The following VTI1A variants were observed in gnomAD, a reference collection of about 807,000 sequenced individuals.
VTI1A encodes the protein vesicle transport through interaction with t-SNAREs homolog 1A.
A neutral mutation model predicts 34.9 loss-of-function variants in VTI1A; 22 were observed. That is an observed-to-expected ratio of 0.63 (90% CI 0.45 to 0.90). VTI1A has a LOEUF of 0.90. VTI1A is among the 40% of genes least tolerant of loss of function. The pLI is 0.00. For missense variants in VTI1A, 268 were observed against 275.6 expected (o/e 0.97, Z 0.20); for synonymous variants, 87 against 97.3 (o/e 0.89, Z 0.62).
intron 3 of VTI1A, among the ~76,000 whole-genome samples, chr10:112,504,589 A>G (rs1022846596): frequency 2.6e-5 from 4 of 152,156 alleles, no homozygotes; most frequent in Admixed American, 6.6e-5. Flanking sequence ...GCTATTGCAC[A>G]TGCTGCTGAA....
intron 7 of VTI1A, among the ~76,000 whole-genome samples, chr10:112,806,847 A>G (rs1395738699): frequency 6.6e-6 from 1 of 152,084 alleles, no homozygotes; most frequent in Non-Finnish European, 1.5e-5. Context: ...TCAGCCTCCC[A>G]AAGTTCTGGG....
At chr10:112,852,051 C>T in the VTI1A span, among the ~76,000 whole-genome samples, 1 of 151,718 alleles carries the variant, frequency 6.6e-6, no homozygotes, top group East Asian at 1.9e-4. Flanking sequence ...CCTTTTTTGC[C>T]TTAGCTACCA....
rs116414262 is a variant in VTI1A at position 112,710,502 on chromosome 10, C to T, written c.560+41504C>T. Among the ~76,000 whole-genome samples the T allele has an allele frequency of 6.6e-3, 999 of 152,262 alleles. 8 individuals are homozygous for T. The highest frequency in any genetic ancestry group is 0.022 in the African/African-American group (906 of 41,544). ...GATTACAGGTGTGAGCCACCACGCC[C>T]GGCTCAGTTAATGTCTCTGAATTGT... On this transcript the variant is annotated intron_variant, in intron 7 of 7. Coordinates refer to ENST00000393077, the MANE Select transcript of VTI1A (RefSeq NM_145206.4).
intron 5 of VTI1A, among the ~76,000 whole-genome samples, chr10:112,654,594 G>A (rs578059724): frequency 3.0e-4 from 45 of 152,142 alleles, no homozygotes; most frequent in African/African-American, 1.0e-3. Flanking sequence ...CTGGGTTCAC[G>A]CCATTCTCCT....
intron 5 of VTI1A, among the ~76,000 whole-genome samples, chr10:112,565,246 T>G (rs764895313): frequency 2.2e-4 from 33 of 152,102 alleles, no homozygotes; most frequent in Non-Finnish European, 4.7e-4. Flanking sequence ...TTATTTGTTG[T>G]TTTTCAGGGA....
intron 4 of VTI1A, among the ~76,000 whole-genome samples, chr10:112,530,988 G>C (rs138080725): frequency 4.0e-5 from 6 of 151,770 alleles, no homozygotes; most frequent in Admixed American, 6.6e-5. Flanking sequence ...TTCGTTATCT[G>C]TATGCGAACA....
intron 3 of VTI1A, among the ~76,000 whole-genome samples, chr10:112,479,542 A>G (rs977516168): frequency 1.3e-5 from 2 of 152,174 alleles, no homozygotes; most frequent in Non-Finnish European, 2.9e-5. Flanking sequence ...AAGAGACTCA[A>G]AGTCCTCACC....
At chr10:112,463,578 A>C (rs1460431988) in intron 2 of VTI1A, among the ~76,000 whole-genome samples, 1 of 152,058 alleles carries the variant, frequency 6.6e-6, no homozygotes, top group Non-Finnish European at 1.5e-5. Context: ...ATTGCTGCTG[A>C]TTAAACTCTT....
chr10:112,521,069 A>T (rs1156679367), intron 3 of VTI1A, among the ~76,000 whole-genome samples: 1 of 151,924 alleles, frequency 6.6e-6, no homozygotes, highest in Non-Finnish European at 1.5e-5. Flanking sequence ...CTTTCCCTTT[A>T]TTAATGCTAC....
chr10:112,487,866 A>T lies in VTI1A; in HGVS notation c.264+23209A>T, dbSNP rs1006754001. Among the ~76,000 whole-genome samples the T allele has an allele frequency of 2.6e-5, 4 of 152,286 alleles. No individual in the cohort carries two copies. The East Asian group carries it at 7.7e-4, about 29-fold the overall frequency. The stretch of plus-strand genomic sequence containing the variant: ...TCAGAATTTAACTTAAATTTATACA[A>T]ATATTTTGGTAGTAGTTAATAGGTA... On this transcript the variant is annotated intron_variant, in intron 3 of 7. Coordinates refer to ENST00000393077, the MANE Select transcript of VTI1A (RefSeq NM_145206.4).
chr10:112,642,659 G>A (rs1846617423), intron 5 of VTI1A, among the ~76,000 whole-genome samples: 1 of 152,044 alleles, frequency 6.6e-6, no homozygotes, highest in South Asian at 2.1e-4. Flanking sequence ...CCATTTGTGA[G>A]GCATTGTATG....
intron 3 of VTI1A, among the ~76,000 whole-genome samples, chr10:112,522,540 T>C (rs1850064607): frequency 6.6e-6 from 1 of 152,090 alleles, no homozygotes; most frequent in Admixed American, 6.6e-5. Flanking sequence ...TAGGCCAAAA[T>C]CGAATGGGAA....
intron 7 of VTI1A, among the ~76,000 whole-genome samples, chr10:112,728,531 G>T (rs1190114306): frequency 1.3e-5 from 2 of 152,204 alleles, no homozygotes; most frequent in Non-Finnish European, 2.9e-5. Flanking sequence ...AAAGTCTGAT[G>T]TGACCTTTGT....
At chr10:112,528,471 C>T (rs1219925555) in intron 4 of VTI1A, among the ~76,000 whole-genome samples, 1 of 151,532 alleles carries the variant, frequency 6.6e-6, no homozygotes, top group Non-Finnish European at 1.5e-5. Flanking sequence ...GGGATTTCAG[C>T]TTCCCTGATT....
the VTI1A span, among the ~76,000 whole-genome samples, chr10:112,839,775 G>T: frequency 6.6e-6 from 1 of 152,170 alleles, no homozygotes; most frequent in Non-Finnish European, 1.5e-5. Context: ...AGGCAAAGCA[G>T]GGCCACTTCC....
At chr10:112,644,919 A>G (rs568515147) in intron 5 of VTI1A, among the ~76,000 whole-genome samples, 2 of 152,340 alleles carry the variant, frequency 1.3e-5, no homozygotes, top group South Asian at 2.1e-4. Flanking sequence ...TAGTAACAAA[A>G]TAGTACAATT....
At chr10:112,510,444 G>A (rs1012571029) in intron 3 of VTI1A, among the ~76,000 whole-genome samples, 2 of 151,994 alleles carry the variant, frequency 1.3e-5, no homozygotes, top group African/African-American at 4.8e-5. Context: ...AACCAGCCTG[G>A]GCAACATAGC....
chr10:112,537,893 A>G (rs1186825103), intron 4 of VTI1A, among the ~76,000 whole-genome samples: 1 of 152,206 alleles, frequency 6.6e-6, no homozygotes, highest in African/African-American at 2.4e-5. Context: ...AAATACAAAT[A>G]GGGAACGTAG....
At chr10:112,683,688 T>C (rs931322339) in intron 7 of VTI1A, among the ~76,000 whole-genome samples, 2 of 152,304 alleles carry the variant, frequency 1.3e-5, no homozygotes, top group South Asian at 2.1e-4. Flanking sequence ...CACATAGCCT[T>C]TGTGATTTGT....
Sources: allele counts gnomAD v4.1 joint callset (sites outside exome capture counted in the v4.1 genomes callset), GRCh38; gene constraint gnomAD v4.1.1; transcripts MANE v1.5; gene names NCBI Gene and HGNC (gene_info 2026-07-23, HGNC 2026-07-21).